The following PCDH15 variants were observed in gnomAD, a reference collection of about 807,000 sequenced individuals.
PCDH15 encodes protocadherin-15.
In PCDH15, 129 loss-of-function variants were observed where a neutral mutation model predicts 178.5. The observed-to-expected ratio is 0.72, with a 90% CI of 0.63 to 0.84. The LOEUF (loss-of-function observed/expected upper bound fraction) is 0.84, where lower values mean the gene tolerates loss of function less well. Among genes scored for constraint, PCDH15 ranks in the 40% least tolerant of loss-of-function variants. The probability of loss-of-function intolerance (pLI) is 0.00; values close to 1 mark genes in which losing one functional copy is unlikely to be tolerated. For missense variants in PCDH15, 2,230 were observed against 2,099.9 expected, an observed-to-expected ratio of 1.06 and a Z score of -1.21; for synonymous variants, 800 against 732.0, an observed-to-expected ratio of 1.09 and a Z score of -1.50.
rs186423338 is a variant in PCDH15, at chr10:54,904,604, T to C, written c.-79-7104A>G. 5.0e-4 allele frequency among the ~76,000 whole-genome samples: 76 copies of C among 152,160 alleles called. 1 individual carries two copies. Among genetic ancestry groups the C allele is most frequent in the Admixed American group, 5.0e-3 (76 of 15,274 alleles). Reference sequence around the variant, plus strand: ...TACATAACAGCATAATGGATAGAAATATAAAGAGAGAGACCTTTTGTCTCT... The same window carrying C: ...TACATAACAGCATAATGGATAGAAACATAAAGAGAGAGACCTTTTGTCTCT... On this transcript the variant is annotated intron_variant, in intron 2 of 5. Coordinates refer to the PCDH15 transcript ENST00000458638.
intron 2 of PCDH15, among the ~76,000 whole-genome samples, chr10:55,615,862 C>T (rs1843462575): frequency 6.6e-6 from 1 of 152,122 alleles, no homozygotes; most frequent in African/African-American, 2.4e-5. Context: ...CATTCCATCG[C>T]TGCAGCCTGG....
intron 2 of PCDH15, among the ~76,000 whole-genome samples, chr10:54,633,561 T>A (rs2093760341): frequency 6.6e-6 from 1 of 151,946 alleles, no homozygotes; most frequent in Admixed American, 6.6e-5. Flanking sequence ...AGGAGACAGG[T>A]GAAAGCCCAG....
intron 9 of PCDH15, among the ~76,000 whole-genome samples, chr10:54,215,562 G>C (rs1476622829): frequency 6.6e-6 from 1 of 152,080 alleles, no homozygotes; most frequent in Non-Finnish European, 1.5e-5. Context: ...ATGAGCACTA[G>C]TCATAGATGA....
At chr10:55,516,769 C>A (rs1359969488) in intron 2 of PCDH15, among the ~76,000 whole-genome samples, 2 of 152,014 alleles carry the variant, frequency 1.3e-5, no homozygotes, top group Admixed American at 6.6e-5. Context: ...TTTGTGACTG[C>A]AAGTTAAGCC....
chr10:55,065,344 C>T (rs1340981258), intron 2 of PCDH15, among the ~76,000 whole-genome samples: 1 of 151,918 alleles, frequency 6.6e-6, no homozygotes, highest in Admixed American at 6.6e-5. Context: ...ATGTAATGCT[C>T]ACCCTTTCCC....
chr10:53,918,636 A>G (rs892228019), intron 25 of PCDH15, among the ~76,000 whole-genome samples: 91 of 152,248 alleles, frequency 6.0e-4, no homozygotes, highest in African/African-American at 2.2e-3. Context: ...GAAGAGAAAA[A>G]AATGCCTTTC....
chr10:54,518,587 A>G (rs1034063756), intron 3 of PCDH15, among the ~76,000 whole-genome samples: 4 of 152,194 alleles, frequency 2.6e-5, no homozygotes, highest in Non-Finnish European at 4.4e-5. Context: ...CCAACCAAAA[A>G]GAGTCCAGGA....
chr10:55,044,670 T>G (rs1226917844), intron 2 of PCDH15, among the ~76,000 whole-genome samples: 2 of 152,152 alleles, frequency 1.3e-5, no homozygotes, highest in African/African-American at 4.8e-5. Flanking sequence ...ATGTACTATA[T>G]GTTTATTGCT....
At chr10:54,690,865 C>A in intron 1 of PCDH15, among the ~76,000 whole-genome samples, 1 of 151,906 alleles carries the variant, frequency 6.6e-6, no homozygotes, top group Non-Finnish European at 1.5e-5. Flanking sequence ...AAGAAGATGA[C>A]CATCATTGAA....
intron 1 of PCDH15, among the ~76,000 whole-genome samples, chr10:55,255,344 G>A (rs1316030468): frequency 1.3e-5 from 2 of 152,156 alleles, no homozygotes; most frequent in East Asian, 1.9e-4. Context: ...TCTTAATCCA[G>A]TCTATCATTG....
At chr10:54,386,308 G>A (rs1949928414) in intron 3 of PCDH15, among the ~76,000 whole-genome samples, 1 of 151,840 alleles carries the variant, frequency 6.6e-6, no homozygotes, top group Admixed American at 6.6e-5. Context: ...GCTGTTTTCA[G>A]AAAGTTTATA....
At chr10:54,937,777 T>C (rs1413513872) in intron 2 of PCDH15, among the ~76,000 whole-genome samples, 3 of 152,084 alleles carry the variant, frequency 2.0e-5, no homozygotes, top group East Asian at 3.8e-4. Flanking sequence ...ATTTTCCATC[T>C]GCAAAATTAT....
At chr10:55,582,985 T>G (rs183410708) in intron 2 of PCDH15, among the ~76,000 whole-genome samples, 157 of 152,250 alleles carry the variant, frequency 1.0e-3, no homozygotes, top group African/African-American at 3.5e-3. Flanking sequence ...GAAATTGTCA[T>G]AAATTAAGCT....
chr10:55,096,393 A>C (rs776931456), intron 2 of PCDH15, among the ~76,000 whole-genome samples: 4 of 152,116 alleles, frequency 2.6e-5, no homozygotes, highest in Non-Finnish European at 5.9e-5. Context: ...AGACTGTACA[A>C]CATGATGTTT....
intron 2 of PCDH15, among the ~76,000 whole-genome samples, chr10:55,044,668 T>C (rs1365096090): frequency 6.6e-6 from 1 of 152,146 alleles, no homozygotes; most frequent in East Asian, 1.9e-4. Flanking sequence ...TTATGTACTA[T>C]ATGTTTATTG....
At chr10:54,753,731 G>T (rs1946647362) in intron 1 of PCDH15, among the ~76,000 whole-genome samples, 1 of 152,088 alleles carries the variant, frequency 6.6e-6, no homozygotes, top group African/African-American at 2.4e-5. Flanking sequence ...GCAAGAAGAG[G>T]TTAAATGGTT....
intron 2 of PCDH15, among the ~76,000 whole-genome samples, chr10:54,944,201 CTG>C (rs1240265290): frequency 6.6e-6 from 1 of 151,876 alleles, no homozygotes; most frequent in East Asian, 1.9e-4. Flanking sequence ...AAAAGTAAAA[CTG>C]TGGTATGGTA....
intron 2 of PCDH15, among the ~76,000 whole-genome samples, chr10:54,567,279 A>G (rs529446092): frequency 1.3e-5 from 2 of 152,096 alleles, no homozygotes; most frequent in African/African-American, 4.8e-5. Context: ...CCCAGTTTGT[A>G]GCTTGTCTTC....
At chr10:55,483,281 C>T (rs116773258) in intron 2 of PCDH15, among the ~76,000 whole-genome samples, 10 of 150,328 alleles carry the variant, frequency 6.7e-5, no homozygotes, top group African/African-American at 2.2e-4. Context: ...TAAATTTTTA[C>T]AAAAAAAAAT....
Sources: gnomAD v4.1 joint callset for allele counts (sites outside exome capture counted in the v4.1 genomes callset) on GRCh38, gnomAD v4.1.1 for gene constraint, MANE v1.5 for transcripts, NCBI Gene and HGNC (gene_info 2026-07-23, HGNC 2026-07-21) for gene names.